Variants in JAZF1 observed in about 807,000 individuals in gnomAD.
JAZF1 encodes the protein JAZF zinc finger 1, also known as juxtaposed with another zinc finger protein 1.
JAZF1 carries 8 observed loss-of-function variants against 26.4 expected under a neutral mutation model. That is an observed-to-expected ratio of 0.30 (90% CI 0.18 to 0.55). The LOEUF (loss-of-function observed/expected upper bound fraction) is 0.55, where lower values mean the gene tolerates loss of function less well. JAZF1 is among the 20% of genes least tolerant of loss of function. JAZF1 has a pLI of 0.94. For synonymous variants in JAZF1, 126 were observed against 122.3 expected (o/e 1.03, Z -0.20); for missense variants, 199 against 322.0 (o/e 0.62, Z 2.92).
At chr7:27,850,574 C>A (rs1459012494) in intron 3 of JAZF1, among the ~76,000 whole-genome samples, 7 of 152,228 alleles carry the variant, frequency 4.6e-5, no homozygotes, top group Non-Finnish European at 8.8e-5. Context: ...CAAGGAGCCA[C>A]TGGACATGTT....
At chr7:27,872,494 G>A (rs1223413845) in intron 3 of JAZF1, among the ~76,000 whole-genome samples, 1 of 152,162 alleles carries the variant, frequency 6.6e-6, no homozygotes, top group African/African-American at 2.4e-5. Context: ...GGCAGCCCAC[G>A]CGGGTATACG....
intron 1 of JAZF1, among the ~76,000 whole-genome samples, chr7:28,130,538 A>G (rs1378867074): frequency 6.6e-6 from 1 of 152,216 alleles, no homozygotes; most frequent in Non-Finnish European, 1.5e-5. Flanking sequence ...GGTATCAGAC[A>G]GCTTGTAAAA....
intron 3 of JAZF1, among the ~76,000 whole-genome samples, chr7:27,875,677 G>C (rs1221310608): frequency 6.6e-6 from 1 of 152,200 alleles, no homozygotes; most frequent in Non-Finnish European, 1.5e-5. Context: ...TGGGCTCTGA[G>C]CTCGTCCCTA....
intron 3 of JAZF1, among the ~76,000 whole-genome samples, chr7:27,872,510 G>GA (rs1414708406): frequency 6.6e-6 from 1 of 152,190 alleles, no homozygotes; most frequent in Non-Finnish European, 1.5e-5. Flanking sequence ...ATACGGCTGA[G>GA]AAAAAACACA....
chr7:27,974,384 C>T (rs1257715865), intron 2 of JAZF1, among the ~76,000 whole-genome samples: 1 of 152,136 alleles, frequency 6.6e-6, no homozygotes, highest in Non-Finnish European at 1.5e-5. Flanking sequence ...AACTAATGGG[C>T]ACAAAGGAAG....
chr7:28,107,458 A>T (rs1784570423), intron 1 of JAZF1, among the ~76,000 whole-genome samples: 1 of 152,118 alleles, frequency 6.6e-6, no homozygotes, highest in Non-Finnish European at 1.5e-5. Context: ...TCTCCCTCCA[A>T]ATTGATGAAA....
At position 28,146,852 on chromosome 7, in the gene JAZF1, TG is replaced by T. The variant is rs757113846; in HGVS notation, c.115+33610del. ...TTTTGCTTTTTTTGTTTCGTTTTGG[TG>T]GTTTTTTTTTGTTTTTTTTTTTTGA... On this transcript the variant is annotated intron_variant, in intron 1 of 4. Coordinates refer to ENST00000283928, the MANE Select transcript of JAZF1 (RefSeq NM_175061.4). 1.1e-4 allele frequency among the ~76,000 whole-genome samples: 16 copies of T among 149,592 alleles called. 1 individual carries two copies. The highest frequency in any genetic ancestry group is 2.2e-4 in the African/African-American group (9 of 40,554).
At chr7:28,078,781 T>C (rs900090981) in intron 1 of JAZF1, among the ~76,000 whole-genome samples, 5 of 152,198 alleles carry the variant, frequency 3.3e-5, no homozygotes, top group Non-Finnish European at 7.3e-5. Context: ...CAGTTGAGTA[T>C]TGGTGAAAAG....
chr7:28,043,428 G>T lies in JAZF1; in HGVS notation c.116-51447C>A, dbSNP rs75656358. 5.2e-3 allele frequency among the ~76,000 whole-genome samples: 794 copies of T among 152,168 alleles called. 4 individuals are homozygous for T. The highest frequency in any genetic ancestry group is 0.014 in the Middle Eastern group (4 of 294). On this transcript the variant is annotated intron_variant, in intron 1 of 4. Transcript: ENST00000283928. ...CTCGTCATGTTCCACCCACCTTACG[G>T]CCCCAACATTTTCTTGGGGGCTACT...
intron 1 of JAZF1, among the ~76,000 whole-genome samples, chr7:28,040,787 T>A (rs1783376891): frequency 6.6e-6 from 1 of 152,166 alleles, no homozygotes; most frequent in African/African-American, 2.4e-5. Flanking sequence ...GAATTGGGAA[T>A]GGAATTCAGA....
At chr7:27,940,263 A>G (rs144580340) in intron 2 of JAZF1, among the ~76,000 whole-genome samples, 155 of 149,700 alleles carry the variant, frequency 1.0e-3, no homozygotes, top group African/African-American at 3.5e-3. Context: ...CTGCTCTCCT[A>G]TCTTTCACAG....
At chr7:27,868,394 C>T (rs147878425) in intron 3 of JAZF1, among the ~76,000 whole-genome samples, 113 of 152,334 alleles carry the variant, frequency 7.4e-4, no homozygotes, top group African/African-American at 2.3e-3. Context: ...GGTTGACTGC[C>T]GCTTGCTTCT....
intron 1 of JAZF1, among the ~76,000 whole-genome samples, chr7:28,107,773 T>C (rs2127930930): frequency 6.6e-6 from 1 of 152,330 alleles, no homozygotes; most frequent in South Asian, 2.1e-4. Context: ...TAGACACACA[T>C]ATCTAATGTA....
At chr7:28,130,758 T>A (rs1372319088) in intron 1 of JAZF1, among the ~76,000 whole-genome samples, 5 of 152,190 alleles carry the variant, frequency 3.3e-5, no homozygotes, top group Non-Finnish European at 7.3e-5. Flanking sequence ...GGTATTTCTC[T>A]CTCTCTCGAA....
chr7:28,073,907 GAA>G (rs975425095), intron 1 of JAZF1, among the ~76,000 whole-genome samples: 7 of 148,298 alleles, frequency 4.7e-5, no homozygotes, highest in African/African-American at 1.7e-4. Context: ...AATTGCATAA[GAA>G]AAAAGAACCT....
chr7:27,889,335 T>C (rs1021358445), intron 3 of JAZF1, among the ~76,000 whole-genome samples: 3 of 152,156 alleles, frequency 2.0e-5, no homozygotes, highest in African/African-American at 4.8e-5. Flanking sequence ...TTAACTAAGC[T>C]GTAGGCAATA....
At chr7:27,859,937 G>A (rs1035622794) in intron 3 of JAZF1, among the ~76,000 whole-genome samples, 11 of 152,142 alleles carry the variant, frequency 7.2e-5, no homozygotes, top group South Asian at 2.1e-4. Flanking sequence ...ACAAGTGCAC[G>A]ACAGTAAATG....
intron 2 of JAZF1, among the ~76,000 whole-genome samples, chr7:27,938,227 T>G (rs1327403958): frequency 2.0e-5 from 3 of 152,204 alleles, no homozygotes; most frequent in Non-Finnish European, 4.4e-5. Flanking sequence ...CATCCTCAAA[T>G]GAGCCCCGCT....
intron 2 of JAZF1, among the ~76,000 whole-genome samples, chr7:27,946,551 TCACAGGG>T (rs1257831571): frequency 6.6e-6 from 1 of 152,204 alleles, no homozygotes; most frequent in African/African-American, 2.4e-5. Flanking sequence ...TACTCAGTAT[TCACAGGG>T]TTGTGAGTGG....
Sources: allele counts gnomAD v4.1 joint callset (sites outside exome capture counted in the v4.1 genomes callset), GRCh38; gene constraint gnomAD v4.1.1; transcripts MANE v1.5; gene names NCBI Gene and HGNC (gene_info 2026-07-23, HGNC 2026-07-21).